ADAM19: variants seen among roughly 807,000 people sequenced by gnomAD.
The protein encoded by ADAM19 is ADAM metallopeptidase domain 19, also known as disintegrin and metalloproteinase domain-containing protein 19.
ADAM19 carries 65 observed loss-of-function variants against 114.7 expected under a neutral mutation model. The ratio of observed to expected loss-of-function variants is 0.57; its 90% CI spans 0.46 to 0.70. The LOEUF (loss-of-function observed/expected upper bound fraction) is 0.70. ADAM19 is among the 30% of genes least tolerant of loss of function. The pLI, the probability that ADAM19 is intolerant of heterozygous loss-of-function variation, is 0.00. For synonymous variants in ADAM19, 466 were observed against 460.5 expected (o/e 1.01, Z -0.15); for missense variants, 1,063 against 1,204.7 (o/e 0.88, Z 1.74).
chr5:157,479,386 C>T lies in ADAM19; in HGVS notation c.*1563G>A. The T allele has an allele frequency of 1.0e-6, 1 of 986,136 alleles. No individual in the cohort carries two copies. Among genetic ancestry groups the T allele is most frequent in the South Asian group, 4.7e-5 (1 of 21,290 alleles). 61.1% of individuals were successfully genotyped at this position (986,136 alleles called of 1,614,324 possible). A position where few individuals can be genotyped will look rare whatever the true frequency, so the allele number is the denominator to read the frequency against. The stretch of plus-strand genomic sequence containing the variant: ...TGAGGTTTTCAAGAGCAAACAATTG[C>T]TCATGGCAGGATGGGAGGAGGCCCC... On this transcript the variant is annotated 3_prime_UTR_variant, in exon 23 of 23. Coordinates refer to ENST00000257527, the MANE Select transcript of ADAM19 (RefSeq NM_033274.5).
chr5:157,555,779 G>C (rs935213954), intron 3 of ADAM19, among the ~76,000 whole-genome samples: 1 of 152,112 alleles, frequency 6.6e-6, no homozygotes, highest in Non-Finnish European at 1.5e-5. Flanking sequence ...GAATGAAATC[G>C]GTATTATTGG....
At chr5:157,563,858 C>T (rs528402098) in intron 3 of ADAM19, among the ~76,000 whole-genome samples, 17 of 152,272 alleles carry the variant, frequency 1.1e-4, no homozygotes, top group Admixed American at 6.5e-4. Context: ...ATGGAAGAGC[C>T]GGGCCCGATG....
intron 7 of ADAM19, among the ~76,000 whole-genome samples, chr5:157,514,468 A>T (rs1756033128): frequency 6.6e-6 from 1 of 151,912 alleles, no homozygotes; most frequent in East Asian, 1.9e-4. Flanking sequence ...CTGGGATTAC[A>T]GGTGCTCGCC....
chr5:157,490,129 T>C (rs1309169532), intron 19 of ADAM19, among the ~76,000 whole-genome samples, 181 bp downstream of exon 19: 1 of 152,210 alleles, frequency 6.6e-6, no homozygotes, highest in Admixed American at 6.5e-5. Flanking sequence ...AGTAGAGTAC[T>C]TACAATAAGA....
intron 11 of ADAM19, 44 bp downstream of exon 11, chr5:157,505,625 G>A (rs527328900): frequency 3.1e-6 from 5 of 1,606,516 alleles, no homozygotes; most frequent in African/African-American, 1.3e-5. Flanking sequence ...CTGTCCAGGT[G>A]TGCCCGCCCT....
intron 3 of ADAM19, among the ~76,000 whole-genome samples, chr5:157,551,816 T>C (rs1389209146): frequency 6.6e-6 from 1 of 151,880 alleles, no homozygotes; most frequent in Non-Finnish European, 1.5e-5. Flanking sequence ...AACAAGCATA[T>C]GAAAAGGTGC....
intron 4 of ADAM19, among the ~76,000 whole-genome samples, chr5:157,532,426 C>T (rs943642923): frequency 2.6e-5 from 4 of 152,220 alleles, no homozygotes; most frequent in African/African-American, 9.6e-5. Flanking sequence ...GAAGCAAATA[C>T]GCACTGTTGG....
At position 157,481,846 on chromosome 5, in the gene ADAM19, C is replaced by T. The variant is rs142986858; in HGVS notation, c.2648G>A (p.Arg883Gln). ...CTGCTGAGGGCCAGCACCAGGGGGCCGCAGTGGGGATGCACCTCCTGGCCT... is the reference window on the plus strand; with the variant it reads ...CTGCTGAGGGCCAGCACCAGGGGGCTGCAGTGGGGATGCACCTCCTGGCCT... ...LPRPGGASPL[R>Q]PPGAGPQQSR... The change falls in exon 22 of 23, where the codon CGG becomes CAG. Residue 883 changes from arginine (R) to glutamine (Q), a missense_variant. Arg to Gln is a conservative substitution (Grantham distance 43). Coordinates refer to ENST00000257527, the MANE Select transcript of ADAM19 (RefSeq NM_033274.5). The T allele has an allele frequency of 1.0e-5, 16 of 1,586,184 alleles. No individual in the cohort carries two copies. The highest frequency in any genetic ancestry group is 1.7e-4 in the Middle Eastern group (1 of 6,052).
At chr5:157,488,551 CTCTT>C in intron 20 of ADAM19, 62 bp from the exon 21 acceptor site, 1 of 1,348,166 alleles carries the variant, frequency 7.4e-7, no homozygotes, top group Non-Finnish European at 1.0e-6. Context: ...CCTTGTGTGT[CTCTT>C]TGAGATAAAC....
chr5:157,565,666 G>A (rs1239605988), intron 2 of ADAM19, among the ~76,000 whole-genome samples: 10 of 148,654 alleles, frequency 6.7e-5, no homozygotes, highest in South Asian at 2.1e-4. Flanking sequence ...CTGAGATTGC[G>A]CCACTGCACT....
At chr5:157,570,777 C>T (rs11746737) in intron 2 of ADAM19, 118 bp downstream of exon 2, 238,976 of 828,420 alleles carry the variant, frequency 0.29, 38,923 homozygotes, top group African/African-American at 0.58. Flanking sequence ...ACCCAGAGGA[C>T]AGAGTGGGCC....
At chr5:157,483,127 T>C (rs938723944) in intron 21 of ADAM19, among the ~76,000 whole-genome samples, 1 of 152,076 alleles carries the variant, frequency 6.6e-6, no homozygotes, top group Non-Finnish European at 1.5e-5. Context: ...GGTTGATGGG[T>C]GCAGTAAACC....
rs186311479 is a variant in ADAM19, at chr5:157,564,261, G to A, written c.251+112C>T. The A allele has an allele frequency of 3.7e-4, 355 of 962,252 alleles. 3 individuals are homozygous for A. The highest frequency in any genetic ancestry group is 4.2e-4 in the Middle Eastern group (2 of 4,738). 59.6% of individuals were successfully genotyped at this position (962,252 alleles called of 1,614,324 possible). On this transcript the variant is annotated intron_variant, in intron 3 of 22. Transcript: ENST00000257527. The stretch of plus-strand genomic sequence containing the variant: ...TGCTGCCTGAAAGAAACCAAGGACT[G>A]AGAGCTTGGGGTCACTCCATTGACT...
At position 157,528,415 on chromosome 5, in the gene ADAM19, G is replaced by A. The variant is rs116422535; in HGVS notation, c.407+2392C>T. Among the ~76,000 whole-genome samples, 577 of 152,354 alleles carry A rather than the reference G, an allele frequency of 3.8e-3. 3 individuals carry two copies. Among genetic ancestry groups the A allele is most frequent in the African/African-American group, 0.013 (556 of 41,572 alleles). ...GGGATGGAGGAAGAGGCAGACAGAA[G>A]CAGGTCACACCTGCATGTTCTTTTT... is the stretch of plus-strand genomic sequence containing the variant. On this transcript the variant is annotated intron_variant, in intron 5 of 22. Coordinates refer to ENST00000257527, the MANE Select transcript of ADAM19 (RefSeq NM_033274.5).
chr5:157,530,285 T>C (rs1470474379), intron 5 of ADAM19, among the ~76,000 whole-genome samples: 1 of 152,156 alleles, frequency 6.6e-6, no homozygotes, highest in Non-Finnish European at 1.5e-5. Flanking sequence ...GAACCAGGTA[T>C]AGGACAACTA....
At chr5:157,521,098 C>T (rs1756273595) in intron 5 of ADAM19, among the ~76,000 whole-genome samples, 1 of 152,198 alleles carries the variant, frequency 6.6e-6, no homozygotes, top group South Asian at 2.1e-4. Flanking sequence ...ACCCCTTGGA[C>T]TGGAGGCAGC....
chr5:157,482,517 T>C (rs890362951), intron 21 of ADAM19, among the ~76,000 whole-genome samples: 1 of 152,270 alleles, frequency 6.6e-6, no homozygotes, highest in Non-Finnish European at 1.5e-5. Flanking sequence ...GGTTTTCTTC[T>C]AGGGTTTTTA....
At chr5:157,496,085 G>A (rs1412192569) in intron 14 of ADAM19, among the ~76,000 whole-genome samples, 2 of 151,820 alleles carry the variant, frequency 1.3e-5, no homozygotes, top group East Asian at 3.9e-4. Context: ...GATTACAGGT[G>A]CAAGCCACCA....
At chr5:157,499,717 A>G in intron 12 of ADAM19, 55 bp from the exon 13 acceptor site, 1 of 1,254,212 alleles carries the variant, frequency 8.0e-7, no homozygotes, top group South Asian at 1.3e-5. Context: ...CACCCCCAAC[A>G]TTTTCCCCAC....
Sources: gnomAD v4.1 joint callset for allele counts (sites outside exome capture counted in the v4.1 genomes callset) on GRCh38, gnomAD v4.1.1 for gene constraint, MANE v1.5 for transcripts, NCBI Gene and HGNC (gene_info 2026-07-23, HGNC 2026-07-21) for gene names.